The following PCDH7 variants were observed in gnomAD, a reference collection of about 807,000 sequenced individuals.
PCDH7 encodes the protein protocadherin-7.
PCDH7 carries 17 observed loss-of-function variants against 58.9 expected under a neutral mutation model. The observed-to-expected ratio is 0.29, with a 90% CI of 0.20 to 0.43. PCDH7 has a LOEUF of 0.43. Among genes scored for constraint, PCDH7 ranks in the 20% least tolerant of loss-of-function variants. PCDH7 has a pLI of 1.00. For synonymous variants in PCDH7, 664 were observed against 616.4 expected, an observed-to-expected ratio of 1.08 and a Z score of -1.14; for missense variants, 1,274 against 1,441.0, an observed-to-expected ratio of 0.88 and a Z score of 1.88.
chr4:30,905,073 A>AG (rs1430387065), intron 1 of PCDH7, among the ~76,000 whole-genome samples: 2 of 152,224 alleles, frequency 1.3e-5, no homozygotes, highest in African/African-American at 4.8e-5. Context: ...AAGAAAAAAA[A>AG]GAAAAAGAAA....
chr4:31,024,811 CA>C (rs1317773156), intron 3 of PCDH7, among the ~76,000 whole-genome samples: 1 of 152,054 alleles, frequency 6.6e-6, no homozygotes, highest in African/African-American at 2.4e-5. Context: ...ATGCGATCTC[CA>C]CTCGCTGCAA....
chr4:30,976,320 A>G (rs1033259991), intron 3 of PCDH7, among the ~76,000 whole-genome samples: 12 of 147,538 alleles, frequency 8.1e-5, no homozygotes, highest in Admixed American at 2.0e-4. Context: ...TGGACTCCCA[A>G]CCTCTGGTGA....
intron 3 of PCDH7, among the ~76,000 whole-genome samples, chr4:31,003,501 A>AT (rs1752521608): frequency 6.7e-6 from 1 of 150,130 alleles, no homozygotes. Context: ...TTTGTTTTGG[A>AT]TTTTGGAATA....
At chr4:30,788,537 C>G (rs1723709838) in intron 1 of PCDH7, among the ~76,000 whole-genome samples, 1 of 151,348 alleles carries the variant, frequency 6.6e-6, no homozygotes, top group Non-Finnish European at 1.5e-5. Flanking sequence ...TTTTTGTGAC[C>G]AAAATAATAA....
chr4:30,788,114 C>T (rs1295512557), intron 1 of PCDH7, among the ~76,000 whole-genome samples: 1 of 152,050 alleles, frequency 6.6e-6, no homozygotes, highest in Non-Finnish European at 1.5e-5. Flanking sequence ...GGATGTGAAT[C>T]ATGGGTGCTA....
At position 30,998,313 on chromosome 4, in the gene PCDH7, A is replaced by C. The variant is rs143800861; in HGVS notation, c.*7+48098A>C. On this transcript the variant is annotated intron_variant, in intron 3 of 3. Transcript: ENST00000509759. ...TGGAATGCCATTGAAGAGATTCATG[A>C]GTTATTCGATAACTTTCTCAGATTT... 2.5e-3 allele frequency among the ~76,000 whole-genome samples: 381 copies of C among 152,252 alleles called. 1 individual carries two copies. The highest frequency in any genetic ancestry group is 8.8e-3 in the African/African-American group (365 of 41,558).
At chr4:30,906,882 G>A (rs1382406551) in intron 1 of PCDH7, among the ~76,000 whole-genome samples, 2 of 151,990 alleles carry the variant, frequency 1.3e-5, no homozygotes, top group African/African-American at 4.8e-5. Flanking sequence ...AATTAGCTGG[G>A]CGTGGTGGCG....
chr4:30,744,281 T>A (rs1440698210), intron 1 of PCDH7, among the ~76,000 whole-genome samples: 4 of 152,154 alleles, frequency 2.6e-5, no homozygotes, highest in Non-Finnish European at 4.4e-5. Context: ...TTTACATTTT[T>A]AAAAAAATCA....
At chr4:31,115,871 C>A (rs1355964135) in intron 3 of PCDH7, among the ~76,000 whole-genome samples, 1 of 152,162 alleles carries the variant, frequency 6.6e-6, no homozygotes, top group East Asian at 1.9e-4. Flanking sequence ...TATTCTTTTT[C>A]TTCCAAAACA....
At chr4:30,797,528 T>C (rs10023716) in intron 1 of PCDH7, among the ~76,000 whole-genome samples, 2,760 of 151,036 alleles carry the variant, frequency 0.018, 93 homozygotes, top group African/African-American at 0.063. Flanking sequence ...CCCGCCTCGG[T>C]CTCCCAAAGT....
chr4:31,013,662 G>T (rs1053782979), intron 3 of PCDH7, among the ~76,000 whole-genome samples: 1 of 151,468 alleles, frequency 6.6e-6, no homozygotes, highest in East Asian at 1.9e-4. Context: ...AGACTATAAT[G>T]AATGTGCATA....
chr4:30,738,158 A>G (rs1180613869), intron 1 of PCDH7, among the ~76,000 whole-genome samples: 3 of 152,178 alleles, frequency 2.0e-5, no homozygotes, highest in African/African-American at 7.2e-5. Flanking sequence ...TTTTCTCCAT[A>G]AAGGCCCTAT....
chr4:30,745,769 TG>T (rs1475358785), intron 1 of PCDH7, among the ~76,000 whole-genome samples: 2 of 152,036 alleles, frequency 1.3e-5, no homozygotes, highest in African/African-American at 4.8e-5. Context: ...TCAGTTTATT[TG>T]TGTGTGTGTA....
rs1430539464 is a variant in PCDH7 at position 31,120,725 on chromosome 4, T to A, written c.*8-21748T>A. On this transcript the variant is annotated intron_variant, in intron 3 of 3. Transcript: ENST00000509759. ...TAACTTGCATAAACCCATAGGTGAA[T>A]GTCAGGATTAGAAAGCAGGTATGGT... Among the ~76,000 whole-genome samples the A allele has an allele frequency of 2.0e-3, 310 of 152,242 alleles. 7 individuals are homozygous for A. Among genetic ancestry groups the A allele is most frequent in the Non-Finnish European group, 1.2e-4 (8 of 68,016 alleles).
intron 3 of PCDH7, among the ~76,000 whole-genome samples, chr4:30,971,937 G>T (rs1222586869): frequency 6.6e-6 from 1 of 152,190 alleles, no homozygotes; most frequent in South Asian, 2.1e-4. Context: ...CTCCAGCCTG[G>T]GCGACAGAAT....
At chr4:30,741,372 AT>A (rs1156728712) in intron 1 of PCDH7, among the ~76,000 whole-genome samples, 1 of 148,666 alleles carries the variant, frequency 6.7e-6, no homozygotes, top group Non-Finnish European at 1.5e-5. Context: ...AAAAAAAAAA[AT>A]TATAGAGACA....
intron 3 of PCDH7, among the ~76,000 whole-genome samples, chr4:31,035,855 T>C (rs1269261637): frequency 2.6e-5 from 4 of 152,204 alleles, no homozygotes; most frequent in African/African-American, 9.6e-5. Flanking sequence ...AAAATGTTTG[T>C]GTGTAATTAT....
intron 1 of PCDH7, chr4:30,724,956 C>T: frequency 2.9e-6 from 3 of 1,039,878 alleles, no homozygotes; most frequent in Non-Finnish European, 3.5e-6. Context: ...TTATTTTCTT[C>T]TGTGGCAACT....
chr4:30,858,203 C>A (rs1178089521), intron 1 of PCDH7, among the ~76,000 whole-genome samples: 2 of 152,120 alleles, frequency 1.3e-5, no homozygotes, highest in East Asian at 3.9e-4. Flanking sequence ...TCTTTTTATA[C>A]TCTTCCCATT....
Sources: gnomAD v4.1 joint callset for allele counts (sites outside exome capture counted in the v4.1 genomes callset) on GRCh38, gnomAD v4.1.1 for gene constraint, MANE v1.5 for transcripts, NCBI Gene and HGNC (gene_info 2026-07-23, HGNC 2026-07-21) for gene names.